FAM3B: variants seen among roughly 807,000 people sequenced by gnomAD.
FAM3B encodes FAM3 metabolism regulating signaling molecule B, also known as protein FAM3B.
FAM3B carries 29 observed loss-of-function variants against 28.4 expected under a neutral mutation model. That is an observed-to-expected ratio of 1.02 (90% confidence interval 0.76 to 1.39). The LOEUF (loss-of-function observed/expected upper bound fraction) is 1.39, where lower values mean the gene tolerates loss of function less well. FAM3B is among the 40% of genes most tolerant of loss of function. The probability of loss-of-function intolerance (pLI) is 0.00; values close to 1 mark genes in which losing one functional copy is unlikely to be tolerated. For synonymous variants in FAM3B, 91 were observed against 103.0 expected (o/e 0.88, Z 0.71); for missense variants, 266 against 293.9 (o/e 0.91, Z 0.69).
At chr21:41,314,230 C>G (rs973349856), upstream of FAM3B, among the ~76,000 whole-genome samples, 2 of 152,238 alleles carry the variant, frequency 1.3e-5, no homozygotes, top group Admixed American at 6.5e-5. Context: ...AGTGATCAGT[C>G]TGCAAGCCAG....
rs759740205 is a variant in FAM3B, at chr21:41,324,186, T to A, written c.163+1120T>A. 5.3e-5 allele frequency among the ~76,000 whole-genome samples: 8 copies of A among 152,332 alleles called. No individual in the cohort carries two copies. In the South Asian group the frequency reaches 8.3e-4, roughly 16 times the overall value. The stretch of plus-strand genomic sequence containing the variant: ...AGTCCACAGCACATGAGTTGCAAAC[T>A]GGGGGCCCAGAGACAGACCTGTCAG... On this transcript the variant is annotated intron_variant, in intron 2 of 7. Coordinates refer to ENST00000357985, the MANE Select transcript of FAM3B (RefSeq NM_058186.4).
intron 2 of FAM3B, among the ~76,000 whole-genome samples, chr21:41,327,487 A>T (rs2088863938): frequency 6.6e-6 from 1 of 152,240 alleles, no homozygotes; most frequent in Non-Finnish European, 1.5e-5. Flanking sequence ...AGTTGCAAAG[A>T]GACCCTGCCT....
At chr21:41,336,806 A>G (rs552242865) in intron 2 of FAM3B, among the ~76,000 whole-genome samples, 1 of 152,142 alleles carries the variant, frequency 6.6e-6, no homozygotes, top group Admixed American at 6.5e-5. Flanking sequence ...TGATGAATTC[A>G]CTCCTTTATT....
At chr21:41,348,513 C>T (rs1416554909) in intron 6 of FAM3B, 79 bp from the exon 7 acceptor site, 21 of 1,556,516 alleles carry the variant, frequency 1.3e-5, no homozygotes, top group South Asian at 9.1e-5. Flanking sequence ...GGATGCACAG[C>T]GTAACACATC....
chr21:41,312,718 T>TGA (rs370201228), upstream of FAM3B, among the ~76,000 whole-genome samples: 1 of 140,732 alleles, frequency 7.1e-6, no homozygotes. Flanking sequence ...ACTGTGTGTG[T>TGA]GAGAGTGTGT....
chr21:41,310,887 C>T (rs2088705355), intron 1 of FAM3B, among the ~76,000 whole-genome samples: 1 of 152,038 alleles, frequency 6.6e-6, no homozygotes, highest in African/African-American at 2.4e-5. Context: ...CTTAACAGTT[C>T]CTAAAAGGAT....
chr21:41,350,133 G>A (rs1205035706), intron 7 of FAM3B, among the ~76,000 whole-genome samples: 3 of 152,220 alleles, frequency 2.0e-5, no homozygotes, highest in Admixed American at 2.0e-4. Flanking sequence ...AGTTTTGCGA[G>A]GGGACGTCGT....
chr21:41,314,354 G>A (rs996157586), upstream of FAM3B, among the ~76,000 whole-genome samples: 6 of 152,298 alleles, frequency 3.9e-5, no homozygotes, highest in Admixed American at 2.0e-4. Flanking sequence ...TATAGTGTTC[G>A]TTACAGCAAA....
At chr21:41,304,609 A>G (rs937613942) in intron 1 of FAM3B, among the ~76,000 whole-genome samples, 1 of 152,218 alleles carries the variant, frequency 6.6e-6, no homozygotes, top group African/African-American at 2.4e-5. Context: ...CTCTGGCCCA[A>G]GGCCTCCTGG....
intron 2 of FAM3B, among the ~76,000 whole-genome samples, chr21:41,334,640 G>A (rs1489657558): frequency 6.6e-6 from 1 of 152,182 alleles, no homozygotes; most frequent in East Asian, 1.9e-4. Context: ...TGCTCAAGCA[G>A]AAGCTGCTGC....
Position 41,357,683 on chromosome 21 carries a change from C to T in FAM3B, c.*486C>T, listed in dbSNP as rs867536169. ...ACTCAACTTGAGCTCTTGAACTCCT[C>T]CTGTGGGCCTGTGAATGTATTCATT... On this transcript the variant is annotated 3_prime_UTR_variant, in exon 8 of 8. Coordinates refer to ENST00000357985, the MANE Select transcript of FAM3B (RefSeq NM_058186.4). Among the ~76,000 whole-genome samples the T allele has an allele frequency of 7.2e-5, 11 of 152,308 alleles. No homozygotes were observed. The Middle Eastern group carries it at 0.014, about 188-fold the overall frequency.
At chr21:41,317,031 C>T (rs2088756071) in intron 1 of FAM3B, 133 bp downstream of exon 1, 1 of 815,300 alleles carries the variant, frequency 1.2e-6, no homozygotes, top group Admixed American at 4.3e-5. Context: ...GGCGCCGAGG[C>T]TGGTCTTAGA....
At chr21:41,319,366 C>T (rs925280745) in intron 1 of FAM3B, 7 of 152,232 alleles carry the variant, frequency 4.6e-5, no homozygotes, top group Non-Finnish European at 8.8e-5. Flanking sequence ...GTGCTAAGAA[C>T]GGCCTTTGCT....
In FAM3B at chr21:41,338,386, C is replaced by A; in HGVS notation, c.172C>A (p.Pro58Thr). 1 of 1,614,038 alleles carries A rather than the reference C, an allele frequency of 6.2e-7. No individual in the cohort carries two copies. Among genetic ancestry groups the A allele is most frequent in the Non-Finnish European group, 8.5e-7 (1 of 1,179,982 alleles). ...TTTCTTATTCATTACAGCTCCAGTC[C>A]CCAAAAGGCAAAAATGTGACCACTG... is the stretch of plus-strand genomic sequence containing the variant. Reference protein sequence around the residue: ...GERPVLKAPVPKRQKCDHWTP... With the variant: ...GERPVLKAPVTKRQKCDHWTP... The change falls in exon 3 of 8, where the codon CCC becomes ACC. Residue 58 changes from proline (P) to threonine (T), a missense_variant. Transcript: ENST00000357985.
chr21:41,317,962 C>A (rs1216403550), intron 1 of FAM3B, among the ~76,000 whole-genome samples: 1 of 152,126 alleles, frequency 6.6e-6, no homozygotes, highest in Non-Finnish European at 1.5e-5. Context: ...TGTATCTCCT[C>A]CCTTAGGGCA....
chr21:41,344,929 C>T (rs1195441461), intron 4 of FAM3B, among the ~76,000 whole-genome samples: 1 of 152,146 alleles, frequency 6.6e-6, no homozygotes, highest in East Asian at 1.9e-4. Context: ...TGATAAAAGC[C>T]ACTGCAACCT....
chr21:41,345,741 G>T lies in FAM3B; in HGVS notation c.397+5G>T. Reference sequence around the variant, plus strand: ...GTTTTGATATGTATGAAGGTGGTAAGAAAATTTTTTCTGTTAAAATTCAAA... The same window carrying T: ...GTTTTGATATGTATGAAGGTGGTAATAAAATTTTTTCTGTTAAAATTCAAA... On this transcript the variant is annotated splice_donor_5th_base_variant and intron_variant, in intron 5 of 7. Transcript: ENST00000357985. The T allele has an allele frequency of 6.5e-7, 1 of 1,529,570 alleles. No individual in the cohort carries two copies. The highest frequency in any genetic ancestry group is 9.0e-7 in the Non-Finnish European group (1 of 1,112,424). The allele number at this position is 1,529,570 out of a possible 1,614,324, so 94.7% of individuals were successfully genotyped here.
chr21:41,332,603 G>T (rs979157806), intron 2 of FAM3B, among the ~76,000 whole-genome samples: 1 of 152,144 alleles, frequency 6.6e-6, no homozygotes, highest in Non-Finnish European at 1.5e-5. Context: ...ATTGGTATTA[G>T]TTCTTTAATT....
chr21:41,353,031 C>T (rs1304971531), intron 7 of FAM3B, among the ~76,000 whole-genome samples: 1 of 151,982 alleles, frequency 6.6e-6, no homozygotes, highest in African/African-American at 2.4e-5. Flanking sequence ...CAATGAACAA[C>T]CTGAAGATGA....
Sources: allele counts gnomAD v4.1 joint callset (sites outside exome capture counted in the v4.1 genomes callset), GRCh38; gene constraint gnomAD v4.1.1; transcripts MANE v1.5; gene names NCBI Gene and HGNC (gene_info 2026-07-23, HGNC 2026-07-21).